RPTOR: variants seen among roughly 807,000 people sequenced by gnomAD.
The protein encoded by RPTOR is regulatory associated protein of MTOR complex 1, also known as regulatory-associated protein of mTOR.
A neutral mutation model predicts 169.9 loss-of-function variants in RPTOR; 21 were observed. The ratio of observed to expected loss-of-function variants is 0.12; its 90% CI spans 0.09 to 0.18. RPTOR has a LOEUF of 0.18. Among genes scored for constraint, RPTOR ranks in the 10% least tolerant of loss-of-function variants. RPTOR has a pLI of 1.00. For synonymous variants in RPTOR, 732 were observed against 753.2 expected (o/e 0.97, Z 0.46); for missense variants, 1,133 against 1,855.9 (o/e 0.61, Z 7.16).
chr17:80,715,355 A>G (rs1391753106), intron 4 of RPTOR, among the ~76,000 whole-genome samples: 1 of 152,232 alleles, frequency 6.6e-6, no homozygotes, highest in African/African-American at 2.4e-5. Context: ...ATGCCTTAAA[A>G]TACAACTTAC....
chr17:80,816,447 G>A (rs927245259), intron 7 of RPTOR, among the ~76,000 whole-genome samples: 1 of 152,238 alleles, frequency 6.6e-6, no homozygotes, highest in Non-Finnish European at 1.5e-5. Context: ...TGGAGGCATT[G>A]CACTTGATTT....
At chr17:80,673,001 A>G (rs1327060490) in intron 3 of RPTOR, among the ~76,000 whole-genome samples, 1 of 152,030 alleles carries the variant, frequency 6.6e-6, no homozygotes, top group African/African-American at 2.4e-5. Context: ...ATCTTGGCTC[A>G]CTGCAACCTC....
intron 13 of RPTOR, among the ~76,000 whole-genome samples, chr17:80,870,890 T>G (rs75488547): frequency 1.3e-5 from 2 of 152,240 alleles, no homozygotes; most frequent in Admixed American, 1.3e-4. Context: ...TGAACTTATG[T>G]TGATCAGTTA....
intron 14 of RPTOR, among the ~76,000 whole-genome samples, chr17:80,880,824 A>G (rs1190766057): frequency 6.6e-6 from 1 of 152,206 alleles, no homozygotes; most frequent in Non-Finnish European, 1.5e-5. Context: ...GCGTTAGACT[A>G]GTGAGCGCCG....
intron 13 of RPTOR, among the ~76,000 whole-genome samples, chr17:80,864,230 T>C (rs890331451): frequency 2.0e-5 from 3 of 150,608 alleles, no homozygotes; most frequent in Non-Finnish European, 4.4e-5. Context: ...TTCAAAAGTC[T>C]AAAGGCAGCC....
intron 6 of RPTOR, among the ~76,000 whole-genome samples, chr17:80,780,340 G>T (rs1445856970): frequency 6.6e-6 from 1 of 152,158 alleles, no homozygotes; most frequent in Admixed American, 6.5e-5. Context: ...GGAGGGAGGG[G>T]TCCAGCGAGA....
intron 1 of RPTOR, among the ~76,000 whole-genome samples, chr17:80,583,182 GTTTT>G (rs1166711662): frequency 2.3e-4 from 18 of 79,270 alleles, no homozygotes; most frequent in Non-Finnish European, 3.2e-4. Context: ...CCTCTTTCCT[GTTTT>G]TTTTTTTTTT....
At chr17:80,852,636 C>A (rs1598353731) in intron 11 of RPTOR, among the ~76,000 whole-genome samples, 1 of 152,246 alleles carries the variant, frequency 6.6e-6, no homozygotes, top group African/African-American at 2.4e-5. Flanking sequence ...GCTGGACATG[C>A]TGGGATCCCC....
chr17:80,918,303 G>T (rs551641855), intron 21 of RPTOR, among the ~76,000 whole-genome samples: 5 of 152,226 alleles, frequency 3.3e-5, no homozygotes, highest in Non-Finnish European at 5.9e-5. Context: ...GAGATGCCCT[G>T]TTCCCCTGCG....
chr17:80,575,446 CGTCT>C (rs1275468287), intron 1 of RPTOR, among the ~76,000 whole-genome samples: 2 of 152,168 alleles, frequency 1.3e-5, no homozygotes, highest in African/African-American at 2.4e-5. Context: ...GATCAGTAGA[CGTCT>C]GTCAGCAGGG....
chr17:80,619,875 C>A (rs1461971019), intron 1 of RPTOR, among the ~76,000 whole-genome samples: 1 of 152,212 alleles, frequency 6.6e-6, no homozygotes, highest in Non-Finnish European at 1.5e-5. Context: ...ACTGCCCAGG[C>A]TGTTATAATA....
At chr17:80,739,690 G>A (rs150522874) in intron 5 of RPTOR, among the ~76,000 whole-genome samples, 194 of 151,916 alleles carry the variant, frequency 1.3e-3, no homozygotes, top group African/African-American at 4.6e-3. Flanking sequence ...ATTAAACAAC[G>A]TATTTCTAAA....
At chr17:80,711,783 C>T (rs1397244150) in intron 4 of RPTOR, among the ~76,000 whole-genome samples, 5 of 87,296 alleles carry the variant, frequency 5.7e-5, no homozygotes, top group Non-Finnish European at 1.0e-4. Flanking sequence ...CCCTCTGTCG[C>T]CAAGGCTGGA....
intron 1 of RPTOR, among the ~76,000 whole-genome samples, chr17:80,571,575 C>T (rs1017017019): frequency 2.6e-5 from 4 of 152,138 alleles, no homozygotes; most frequent in East Asian, 1.9e-4. Flanking sequence ...GACTGGAGTG[C>T]GGTGGTGTGA....
intron 6 of RPTOR, among the ~76,000 whole-genome samples, chr17:80,789,086 G>A (rs4969427): frequency 0.17 from 26,568 of 151,972 alleles, 3,113 homozygotes; most frequent in East Asian, 0.44. Context: ...TTTATTTAAG[G>A]GAACATTATA....
chr17:80,634,649 T>TGTGTGCGTACTGTGC (rs1567831338), intron 2 of RPTOR, among the ~76,000 whole-genome samples: 4 of 108,496 alleles, frequency 3.7e-5, no homozygotes, highest in African/African-American at 1.4e-4. Flanking sequence ...GTGCATACTG[T>TGTGTGCGTACTGTGC]ATGTGCGTAC....
chr17:80,952,353 A>G (rs2144074808), intron 28 of RPTOR, among the ~76,000 whole-genome samples: 1 of 152,348 alleles, frequency 6.6e-6, no homozygotes, highest in Non-Finnish European at 1.5e-5. Context: ...CGGAGGGCCC[A>G]CAGCACATCT....
At chr17:80,769,261 CTCT>C (rs2066818164) in intron 6 of RPTOR, among the ~76,000 whole-genome samples, 1 of 152,184 alleles carries the variant, frequency 6.6e-6, no homozygotes, top group South Asian at 2.1e-4. Context: ...AGACGTTAGC[CTCT>C]TCTTTGGTTT....
At chr17:80,938,630 C>A (rs1233762909) in intron 24 of RPTOR, among the ~76,000 whole-genome samples, 11 of 152,242 alleles carry the variant, frequency 7.2e-5, no homozygotes, top group African/African-American at 2.6e-4. Flanking sequence ...GCGGAGGGAG[C>A]CATTTGACAC....
Sources: allele counts gnomAD v4.1 joint callset (sites outside exome capture counted in the v4.1 genomes callset), GRCh38; gene constraint gnomAD v4.1.1; transcripts MANE v1.5; gene names NCBI Gene and HGNC (gene_info 2026-07-23, HGNC 2026-07-21).